The following ARL17A variants were observed in gnomAD, a reference collection of about 807,000 sequenced individuals.
ARL17A encodes ADP-ribosylation factor-like 17-like.
chr17:46,512,604 TAA>T (rs2051018702), downstream of ARL17A: 1 of 287,146 alleles, frequency 3.5e-6, no homozygotes, highest in Admixed American at 5.7e-5. Flanking sequence ...GATTGTGACA[TAA>T]GAGTGCCCTG....
chr17:46,543,081 TAGTG>T (rs1242788178), intron 3 of ARL17A, among the ~76,000 whole-genome samples: 2 of 150,088 alleles, frequency 1.3e-5, no homozygotes, highest in South Asian at 4.2e-4. Context: ...TTCTCTAAGA[TAGTG>T]AGGATCTGTC....
At chr17:46,503,077 T>C in the ARL17A span, among the ~76,000 whole-genome samples, 1 of 150,574 alleles carries the variant, frequency 6.6e-6, no homozygotes, top group East Asian at 2.0e-4. Context: ...CCGGCAGTGG[T>C]GGGGGGCGCC....
the ARL17A span, among the ~76,000 whole-genome samples, chr17:46,501,102 C>G: frequency 6.6e-6 from 1 of 151,310 alleles, no homozygotes; most frequent in Non-Finnish European, 1.5e-5. Context: ...GTTGCCCAGG[C>G]TGGTCTGTAA....
At chr17:46,549,031 A>G (rs765592467), downstream of ARL17A, 6 of 1,612,142 alleles carry the variant, frequency 3.7e-6, no homozygotes, top group South Asian at 4.4e-5. Flanking sequence ...GTCTAAACCA[A>G]TCGTACATGC....
intron 4 of ARL17A, among the ~76,000 whole-genome samples, chr17:46,535,167 G>A (rs1490619311): frequency 9.4e-5 from 14 of 149,216 alleles, no homozygotes; most frequent in Non-Finnish European, 1.6e-4. Flanking sequence ...GGTACTGGGA[G>A]TACAGGTGTG....
intron 4 of ARL17A, among the ~76,000 whole-genome samples, chr17:46,533,955 C>T (rs1249541787): frequency 8.3e-6 from 1 of 121,054 alleles, no homozygotes; most frequent in Non-Finnish European, 1.6e-5. Context: ...TATTGGTTGA[C>T]AGTTTCTTCA....
intron 3 of ARL17A, among the ~76,000 whole-genome samples, chr17:46,518,316 GGTTT>G (rs1317129436): frequency 6.7e-6 from 1 of 149,484 alleles, no homozygotes; most frequent in Non-Finnish European, 1.5e-5. Context: ...GATGCATCAT[GGTTT>G]ATTTAATAAT....
the ARL17A span, among the ~76,000 whole-genome samples, chr17:46,501,293 A>C: frequency 1.3e-5 from 2 of 151,076 alleles, no homozygotes; most frequent in Non-Finnish European, 2.9e-5. Flanking sequence ...CTCCTGCCTC[A>C]GCCTCCTGAG....
chr17:46,549,023 C>T, downstream of ARL17A: 1 of 1,612,348 alleles, frequency 6.2e-7, no homozygotes, highest in Non-Finnish European at 8.5e-7. Context: ...ACGAAGACGT[C>T]TAAACCAATC....
At chr17:46,534,504 T>A (rs1423291886) in intron 4 of ARL17A, among the ~76,000 whole-genome samples, 2 of 148,372 alleles carry the variant, frequency 1.3e-5, no homozygotes, top group Non-Finnish European at 3.0e-5. Flanking sequence ...CAGAGAGCAC[T>A]GGGTTGGGGG....
At chr17:46,548,754 G>T (rs369469522), downstream of ARL17A, 24 of 1,610,808 alleles carry the variant, frequency 1.5e-5, 1 homozygote, top group African/African-American at 4.1e-5. Context: ...AAGAAAAAAG[G>T]CTCGGGAGTC....
At chr17:46,541,564 AT>A (rs1461616499) in intron 3 of ARL17A, among the ~76,000 whole-genome samples, 1 of 150,658 alleles carries the variant, frequency 6.6e-6, no homozygotes, top group East Asian at 1.9e-4. Flanking sequence ...ACTCAGCAGA[AT>A]TTTTTTTGAG....
chr17:46,551,336 G>A (rs1339511571), downstream of ARL17A, among the ~76,000 whole-genome samples: 2 of 150,402 alleles, frequency 1.3e-5, no homozygotes, highest in Admixed American at 1.3e-4. Flanking sequence ...CATATTGGAA[G>A]AGTGATTTAA....
intron 3 of ARL17A, among the ~76,000 whole-genome samples, chr17:46,543,499 A>G (rs1350472868): frequency 6.6e-6 from 1 of 150,916 alleles, no homozygotes; most frequent in African/African-American, 2.5e-5. Flanking sequence ...GTGTATACGG[A>G]CCGCATAGTA....
chr17:46,541,459 C>A (rs1427056211), intron 3 of ARL17A, among the ~76,000 whole-genome samples: 1 of 149,220 alleles, frequency 6.7e-6, no homozygotes, highest in Non-Finnish European at 1.5e-5. Context: ...GCCATGTTGG[C>A]CAGGGTGGTT....
chr17:46,501,777 G>C, the ARL17A span, among the ~76,000 whole-genome samples: 2 of 151,184 alleles, frequency 1.3e-5, no homozygotes, highest in African/African-American at 4.9e-5. Flanking sequence ...TTGGCTACTT[G>C]ATCTGACTGC....
In ARL17A at chr17:46,552,926, G is replaced by A. The variant is rs1377502990; in HGVS notation, c.*4430C>T. Among the ~76,000 whole-genome samples, 7 of 144,968 alleles carry A rather than the reference G, an allele frequency of 4.8e-5. No individual in the cohort carries two copies. The East Asian group carries it at 1.4e-3, about 29-fold the overall frequency. On this transcript the variant is annotated 3_prime_UTR_variant, in exon 4 of 4. Coordinates refer to ENST00000336125, the MANE Select transcript of ARL17A (RefSeq NM_001113738.2). ...AAAAAATAGCCAGGTGTGGTAGTAT[G>A]CACCTGTAGTCTCAGCTACTCAAGA...
intron 3 of ARL17A, among the ~76,000 whole-genome samples, chr17:46,569,429 C>T (rs901152485): frequency 6.7e-6 from 1 of 150,064 alleles, no homozygotes; most frequent in Non-Finnish European, 1.5e-5. Flanking sequence ...CTGGGATGGG[C>T]AAAATGCTTA....
intron 3 of ARL17A, among the ~76,000 whole-genome samples, chr17:46,539,760 C>G (rs1220356849): frequency 3.3e-5 from 1 of 30,258 alleles, no homozygotes; most frequent in Non-Finnish European, 7.2e-5. Flanking sequence ...AAGAGCGAGA[C>G]TCCATCTCAA....
Sources: allele counts gnomAD v4.1 joint callset (sites outside exome capture counted in the v4.1 genomes callset), GRCh38; gene constraint gnomAD v4.1.1; transcripts MANE v1.5; gene names NCBI Gene and HGNC (gene_info 2026-07-23, HGNC 2026-07-21).